The following CDH13 variants were observed in gnomAD, a reference collection of about 807,000 sequenced individuals.
The protein encoded by CDH13 is cadherin 13.
In CDH13, 24 loss-of-function variants were observed where a neutral mutation model predicts 63.8. The observed-to-expected ratio is 0.38, with a 90% CI of 0.27 to 0.53. CDH13 has a LOEUF of 0.53. Among genes scored for constraint, CDH13 ranks in the 20% least tolerant of loss-of-function variants. The pLI, the probability that CDH13 is intolerant of heterozygous loss-of-function variation, is 0.85. For missense variants in CDH13, 1,049 were observed against 903.1 expected (o/e 1.16, Z -2.07); for synonymous variants, 503 against 355.3 (o/e 1.42, Z -4.67).
At chr16:83,365,999 A>T (rs1379126004) in intron 6 of CDH13, among the ~76,000 whole-genome samples, 2 of 152,330 alleles carry the variant, frequency 1.3e-5, no homozygotes, top group East Asian at 3.9e-4. Context: ...CACGGAGGTC[A>T]TACTTCTCAC....
chr16:83,231,730 A>G (rs2040002581), intron 5 of CDH13, among the ~76,000 whole-genome samples: 1 of 152,266 alleles, frequency 6.6e-6, no homozygotes, highest in Non-Finnish European at 1.5e-5. Flanking sequence ...GCCCCTCTAC[A>G]GAAAAAGCCT....
At position 83,125,412 on chromosome 16, in the gene CDH13, C is replaced by G; in HGVS notation, c.394C>G (p.Pro132Ala). 1 of 1,605,440 alleles carries G rather than the reference C, an allele frequency of 6.2e-7. No homozygotes were observed. The highest frequency in any genetic ancestry group is 8.5e-7 in the Non-Finnish European group (1 of 1,172,274). ...TATATTTAAATTTGCAAGAACTTCT[C>G]CTGTCCCAAGACAAAAGAGGTCCAT... ...QDIFKFARTS[P>A]VPRQKRSIVV... The change falls in exon 4 of 14, where the codon CCT becomes GCT. Residue 132 changes from proline to alanine, a missense_variant. Pro to Ala is a conservative substitution (Grantham distance 27, BLOSUM62 -1). Coordinates refer to ENST00000567109, the MANE Select transcript of CDH13 (RefSeq NM_001257.5).
chr16:83,714,234 G>A (rs1389594069), intron 10 of CDH13, among the ~76,000 whole-genome samples: 1 of 152,208 alleles, frequency 6.6e-6, no homozygotes, highest in African/African-American at 2.4e-5. Context: ...CAGAAATGTA[G>A]AGAGGATCAC....
chr16:83,633,219 C>T (rs1238493889), intron 8 of CDH13, among the ~76,000 whole-genome samples: 1 of 151,754 alleles, frequency 6.6e-6, no homozygotes, highest in Admixed American at 6.6e-5. Context: ...CCCAGTAGGT[C>T]TCAGCCTTAT....
intron 6 of CDH13, among the ~76,000 whole-genome samples, chr16:83,470,983 T>A (rs2073437611): frequency 6.6e-6 from 1 of 152,130 alleles, no homozygotes; most frequent in South Asian, 2.1e-4. Flanking sequence ...TCACCTGCAC[T>A]CCTTGGCTCC....
At chr16:83,122,228 G>A (rs573992602) in intron 3 of CDH13, among the ~76,000 whole-genome samples, 23 of 152,288 alleles carry the variant, frequency 1.5e-4, no homozygotes, top group African/African-American at 1.9e-4. Flanking sequence ...GTGCTAACAC[G>A]CCTTTAACAC....
rs1441507250 is a variant in CDH13, at chr16:83,173,052, C to T, written c.484-44293C>T. Among the ~76,000 whole-genome samples the T allele has an allele frequency of 4.6e-5, 7 of 152,226 alleles. No individual in the cohort carries two copies. In the East Asian group the frequency reaches 1.4e-3, roughly 29 times the overall value. On this transcript the variant is annotated intron_variant, in intron 4 of 13. Transcript: ENST00000567109. Reference sequence around the variant, plus strand: ...CCCTTGCTGGGAAAGGTACTTGGCACTAATGTGACTATTTAAACTAATATT... The same window carrying T: ...CCCTTGCTGGGAAAGGTACTTGGCATTAATGTGACTATTTAAACTAATATT...
chr16:83,455,961 C>G (rs1251399624), intron 6 of CDH13, among the ~76,000 whole-genome samples: 1 of 152,358 alleles, frequency 6.6e-6, no homozygotes, highest in African/African-American at 2.4e-5. Context: ...CATGTTGCAT[C>G]CTGTAAAGAC....
chr16:83,229,536 A>G (rs2039943947), intron 5 of CDH13, among the ~76,000 whole-genome samples: 1 of 151,874 alleles, frequency 6.6e-6, no homozygotes, highest in Non-Finnish European at 1.5e-5. Context: ...GGGCTCTCTC[A>G]AAATTTATTA....
chr16:82,778,946 C>A (rs1279110528), intron 1 of CDH13, among the ~76,000 whole-genome samples: 2 of 152,036 alleles, frequency 1.3e-5, no homozygotes, highest in East Asian at 3.9e-4. Context: ...AGGAAATGAT[C>A]AGGAATTAGC....
At chr16:82,856,666 C>G (rs1486001304) in intron 1 of CDH13, among the ~76,000 whole-genome samples, 1 of 125,930 alleles carries the variant, frequency 7.9e-6, no homozygotes, top group African/African-American at 3.1e-5. Flanking sequence ...TGCACTCCAG[C>G]CTGGGCAACA....
chr16:82,976,884 G>A (rs746281814), intron 2 of CDH13, among the ~76,000 whole-genome samples: 16 of 152,146 alleles, frequency 1.1e-4, no homozygotes, highest in Non-Finnish European at 2.9e-5. Flanking sequence ...TTGCGGGAAG[G>A]GGATGATGAC....
chr16:82,841,764 A>G (rs957190835), intron 1 of CDH13, among the ~76,000 whole-genome samples: 1 of 152,148 alleles, frequency 6.6e-6, no homozygotes, highest in Non-Finnish European at 1.5e-5. Context: ...AGGTCCTACA[A>G]AAATTCAGAA....
intron 5 of CDH13, among the ~76,000 whole-genome samples, chr16:83,307,100 A>G (rs1461521218): frequency 6.6e-6 from 1 of 152,142 alleles, no homozygotes; most frequent in East Asian, 1.9e-4. Flanking sequence ...TTCAGGAAAA[A>G]CTTGTGGTAA....
chr16:83,380,034 A>G (rs2091534340), intron 6 of CDH13, among the ~76,000 whole-genome samples: 1 of 151,630 alleles, frequency 6.6e-6, no homozygotes, highest in Non-Finnish European at 1.5e-5. Context: ...AACAATTAAT[A>G]AACATATACA....
At chr16:83,191,871 T>C (rs2038726204) in intron 4 of CDH13, among the ~76,000 whole-genome samples, 1 of 152,004 alleles carries the variant, frequency 6.6e-6, no homozygotes, top group African/African-American at 2.4e-5. Context: ...CTGACACAAA[T>C]GTTCATCTCC....
intron 1 of CDH13, among the ~76,000 whole-genome samples, chr16:82,751,059 T>C (rs1430438998): frequency 6.6e-6 from 1 of 152,212 alleles, no homozygotes; most frequent in African/African-American, 2.4e-5. Flanking sequence ...TTCCTGATCT[T>C]TCTTTTCTCT....
chr16:83,744,650 C>T (rs1449499094), intron 10 of CDH13, among the ~76,000 whole-genome samples: 1 of 152,162 alleles, frequency 6.6e-6, no homozygotes, highest in Admixed American at 6.5e-5. Context: ...GGGCCATGAC[C>T]CCAGTGAGCC....
At chr16:82,949,221 G>A (rs936337871) in intron 2 of CDH13, among the ~76,000 whole-genome samples, 1 of 152,170 alleles carries the variant, frequency 6.6e-6, no homozygotes, top group Admixed American at 6.5e-5. Context: ...GAGTGTCTAG[G>A]GGAGGATTCG....
Sources: gnomAD v4.1 joint callset for allele counts (sites outside exome capture counted in the v4.1 genomes callset) on GRCh38, gnomAD v4.1.1 for gene constraint, MANE v1.5 for transcripts, NCBI Gene and HGNC (gene_info 2026-07-23, HGNC 2026-07-21) for gene names.